TGM6: variants seen among roughly 807,000 people sequenced by gnomAD.
The protein encoded by TGM6 is transglutaminase 6, also known as protein-glutamine gamma-glutamyltransferase 6.
A neutral mutation model predicts 77.5 loss-of-function variants in TGM6; 74 were observed. The ratio of observed to expected loss-of-function variants is 0.96; its 90% CI spans 0.79 to 1.16. TGM6 has a LOEUF of 1.16. TGM6 is among the 50% of genes most tolerant of loss of function. The pLI is 0.00. For missense variants in TGM6, 968 were observed against 940.2 expected (o/e 1.03, Z -0.39); for synonymous variants, 383 against 378.9 (o/e 1.01, Z -0.12).
chr20:2,394,749 A>G, intron 2 of TGM6, 124 bp downstream of exon 2: 2 of 1,192,478 alleles, frequency 1.7e-6, no homozygotes, highest in Non-Finnish European at 2.4e-6. Context: ...CTGTAGGTAG[A>G]CGGAGCCTTG....
At chr20:2,392,154 C>G (rs771250816) in intron 1 of TGM6, among the ~76,000 whole-genome samples, 1 of 152,200 alleles carries the variant, frequency 6.6e-6, no homozygotes, top group Non-Finnish European at 1.5e-5. Context: ...CTCCACTGGG[C>G]TATCAACTGC....
chr20:2,418,786 A>C (rs2084835398), intron 10 of TGM6, among the ~76,000 whole-genome samples: 1 of 152,196 alleles, frequency 6.6e-6, no homozygotes, highest in Admixed American at 6.5e-5. Context: ...TTCTTTAAAA[A>C]TATATTGAGG....
chr20:2,386,897 C>A (rs901572932), intron 1 of TGM6, among the ~76,000 whole-genome samples: 2 of 152,182 alleles, frequency 1.3e-5, no homozygotes, highest in Non-Finnish European at 1.5e-5. Flanking sequence ...CCCCTTGTAT[C>A]CAGCCCTGGG....
At position 2,394,470 on chromosome 20, in the gene TGM6, T is replaced by TGGACTGGCAGCGGTCGA. The variant is rs1330793854; in HGVS notation, c.30_46dup (p.Asn16ThrfsTer35). The stretch of plus-strand genomic sequence containing the variant: ...CACCCAGGGATCAGAGTCACCAAGG[T>TGGACTGGCAGCGGTCGA]GGACTGGCAGCGGTCGAGGAATGGC... On this transcript the variant is annotated frameshift_variant, in exon 2 of 13. Coordinates refer to ENST00000202625, the MANE Select transcript of TGM6 (RefSeq NM_198994.3). LOFTEE classifies it high-confidence loss of function. 5 of 1,611,354 alleles carry TGGACTGGCAGCGGTCGA rather than the reference T, an allele frequency of 3.1e-6. No individual in the cohort carries two copies. Among genetic ancestry groups the TGGACTGGCAGCGGTCGA allele is most frequent in the Non-Finnish European group, 4.2e-6 (5 of 1,179,826 alleles).
chr20:2,421,010 CAG>C (rs1192903288), intron 10 of TGM6, among the ~76,000 whole-genome samples: 6 of 151,292 alleles, frequency 4.0e-5, no homozygotes, highest in African/African-American at 1.2e-4. Flanking sequence ...TTTTTTGAGA[CAG>C]AGTCTCGCTC....
chr20:2,421,822 C>T (rs1204848259), intron 10 of TGM6, among the ~76,000 whole-genome samples: 4 of 152,038 alleles, frequency 2.6e-5, no homozygotes, highest in African/African-American at 7.2e-5. Context: ...TGGATCATGC[C>T]TTTGGTATTG....
chr20:2,428,115 A>G (rs762444849), intron 10 of TGM6, among the ~76,000 whole-genome samples: 3 of 152,094 alleles, frequency 2.0e-5, no homozygotes, highest in Admixed American at 1.3e-4. Flanking sequence ...AATTTCTATT[A>G]TTTTAAACTT....
intron 9 of TGM6, among the ~76,000 whole-genome samples, chr20:2,414,767 T>C (rs1426488165): frequency 6.6e-6 from 1 of 152,148 alleles, no homozygotes; most frequent in Non-Finnish European, 1.5e-5. Flanking sequence ...TGAACGAACC[T>C]TGAAAACTGA....
At chr20:2,409,356 C>T (rs540066035) in intron 9 of TGM6, among the ~76,000 whole-genome samples, 1 of 152,204 alleles carries the variant, frequency 6.6e-6, no homozygotes, top group South Asian at 2.1e-4. Context: ...GAATTTATAG[C>T]CGTAAAACCT....
chr20:2,414,943 G>GGT (rs1555800994), intron 9 of TGM6, among the ~76,000 whole-genome samples: 1,687 of 139,526 alleles, frequency 0.012, 65 homozygotes, highest in African/African-American at 0.043. Context: ...TTGGGGGGGG[G>GGT]GGTGAAAAAA....
intron 4 of TGM6, among the ~76,000 whole-genome samples, chr20:2,397,144 G>A (rs941657717): frequency 3.9e-5 from 6 of 152,254 alleles, no homozygotes; most frequent in African/African-American, 1.2e-4. Context: ...GAGTCCAGAA[G>A]AGGGTGAAAG....
At chr20:2,407,290 T>A (rs1006299508) in intron 9 of TGM6, among the ~76,000 whole-genome samples, 1 of 152,230 alleles carries the variant, frequency 6.6e-6, no homozygotes, top group Non-Finnish European at 1.5e-5. Flanking sequence ...TGGTAAGCAA[T>A]GTCCAAGCAT....
intron 10 of TGM6, among the ~76,000 whole-genome samples, chr20:2,422,626 G>A (rs992204620): frequency 2.0e-5 from 3 of 151,706 alleles, no homozygotes; most frequent in Non-Finnish European, 4.4e-5. Context: ...AATACTTTAC[G>A]GCTATAAAAT....
intron 1 of TGM6, among the ~76,000 whole-genome samples, chr20:2,389,114 T>C (rs943442300): frequency 2.0e-5 from 3 of 152,226 alleles, no homozygotes; most frequent in Non-Finnish European, 4.4e-5. Flanking sequence ...GTGTAACTTC[T>C]GAGGTTAGGT....
At position 2,423,264 on chromosome 20, in the gene TGM6, T is replaced by C. The variant is rs556878480; in HGVS notation, c.1678+5691T>C. On this transcript the variant is annotated intron_variant, in intron 10 of 12. Transcript: ENST00000202625. ...CTTCCTTTCACGAAGGATTTCTCTG[T>C]AGTATGCGATGGTGTTCGATAGCAT... 5.3e-5 allele frequency among the ~76,000 whole-genome samples: 8 copies of C among 151,852 alleles called. No homozygotes were observed. The East Asian group carries it at 1.6e-3, about 30-fold the overall frequency.
intron 9 of TGM6, among the ~76,000 whole-genome samples, chr20:2,406,241 T>C (rs1487807701): frequency 6.6e-6 from 1 of 152,168 alleles, no homozygotes; most frequent in Non-Finnish European, 1.5e-5. Context: ...GACCTGCAGA[T>C]TGATTGCTGG....
intron 9 of TGM6, among the ~76,000 whole-genome samples, chr20:2,407,533 T>C (rs549698125): frequency 8.5e-5 from 13 of 152,196 alleles, no homozygotes; most frequent in Non-Finnish European, 1.8e-4. Flanking sequence ...GCAAGATAAT[T>C]GCTTGCTGTC....
chr20:2,423,711 G>A (rs968452870), intron 10 of TGM6, among the ~76,000 whole-genome samples: 1 of 152,172 alleles, frequency 6.6e-6, no homozygotes, highest in Admixed American at 6.5e-5. Flanking sequence ...CTAGAATGGT[G>A]AATCTTTTCC....
At chr20:2,382,938 A>G (rs1024324197) in intron 1 of TGM6, among the ~76,000 whole-genome samples, 1 of 152,162 alleles carries the variant, frequency 6.6e-6, no homozygotes, top group African/African-American at 2.4e-5. Context: ...TTAAATTACA[A>G]TCATCTTTCA....
Sources: allele counts gnomAD v4.1 joint callset (sites outside exome capture counted in the v4.1 genomes callset), GRCh38; gene constraint gnomAD v4.1.1; transcripts MANE v1.5; gene names NCBI Gene and HGNC (gene_info 2026-07-23, HGNC 2026-07-21).